The following FHIP2A variants were observed in gnomAD, a reference collection of about 807,000 sequenced individuals.
FHIP2A encodes the protein FHF complex subunit HOOK interacting protein 2A.
A neutral mutation model predicts 93.5 loss-of-function variants in FHIP2A; 46 were observed. The observed-to-expected ratio is 0.49, with a 90% confidence interval of 0.39 to 0.63. The LOEUF (loss-of-function observed/expected upper bound fraction) is 0.63. FHIP2A is among the 20% of genes least tolerant of loss of function. FHIP2A has a pLI of 0.00. For missense variants in FHIP2A, 769 were observed against 909.7 expected (o/e 0.85, Z 1.99); for synonymous variants, 332 against 326.5 (o/e 1.02, Z -0.18).
intron 13 of FHIP2A, among the ~76,000 whole-genome samples, chr10:114,853,054 C>T (rs1386622547): frequency 2.0e-5 from 3 of 152,192 alleles, no homozygotes; most frequent in East Asian, 3.9e-4. Context: ...TCTTCATGCT[C>T]ATGGCATTGT....
At chr10:114,898,704 T>C (rs2084012619) in intron 16 of FHIP2A, among the ~76,000 whole-genome samples, 1 of 152,212 alleles carries the variant, frequency 6.6e-6, no homozygotes, top group Non-Finnish European at 1.5e-5. Context: ...TGATGGTATT[T>C]CTCTCTCCTG....
chr10:114,821,974 G>A lies in FHIP2A; in HGVS notation c.-105G>A, dbSNP rs1013139886. The A allele has an allele frequency of 4.9e-6, 3 of 617,234 alleles. No individual in the cohort carries two copies. The highest frequency in any genetic ancestry group is 3.9e-5 in the African/African-American group (2 of 50,950). The allele number at this position is 617,234 out of a possible 1,614,324, so 38.2% of individuals were successfully genotyped here. On this transcript the variant is annotated 5_prime_UTR_variant, in exon 1 of 17. Coordinates refer to ENST00000369248, the MANE Select transcript of FHIP2A (RefSeq NM_020940.4). ...AGCTCGTCCTCCCCGCCCCGCACCG[G>A]CCTTCACTCTGGAGCGGCCCCGGCA... is the stretch of plus-strand genomic sequence containing the variant.
intron 12 of FHIP2A, 80 bp downstream of exon 12, chr10:114,847,313 G>T: frequency 7.4e-7 from 1 of 1,346,586 alleles, no homozygotes; most frequent in South Asian, 1.4e-5. Flanking sequence ...TTTTGAGATG[G>T]AGTCTTGCTC....
chr10:114,857,454 T>G (rs1463068802), intron 14 of FHIP2A, among the ~76,000 whole-genome samples: 1 of 151,684 alleles, frequency 6.6e-6, no homozygotes. Context: ...GGATCACAGG[T>G]GCACACCACC....
chr10:114,822,920 C>A (rs1192686410), intron 1 of FHIP2A, among the ~76,000 whole-genome samples: 2 of 152,180 alleles, frequency 1.3e-5, no homozygotes, highest in Non-Finnish European at 2.9e-5. Context: ...ATTCAAGTAT[C>A]CTAGTAGACT....
In FHIP2A at chr10:114,842,772, T is replaced by C. The variant is rs373411692; in HGVS notation, c.523-161T>C. ...CTCCTATGCAATGGTAAAATCATTC[T>C]AAAACACAGTTTGTTAAAAGTCAGA... On this transcript the variant is annotated intron_variant, in intron 5 of 16. Transcript: ENST00000369248. Among the ~76,000 whole-genome samples the C allele has an allele frequency of 1.1e-4, 16 of 152,346 alleles. No individual in the cohort carries two copies. The East Asian group carries it at 2.9e-3, about 28-fold the overall frequency.
At chr10:114,870,334 C>T (rs938157693) in intron 16 of FHIP2A, among the ~76,000 whole-genome samples, 2 of 152,120 alleles carry the variant, frequency 1.3e-5, no homozygotes, top group Non-Finnish European at 2.9e-5. Context: ...GAAATCCTTA[C>T]ATCACCATGG....
intron 1 of FHIP2A, among the ~76,000 whole-genome samples, chr10:114,822,431 C>T (rs1301440378): frequency 6.6e-6 from 1 of 152,140 alleles, no homozygotes; most frequent in African/African-American, 2.4e-5. Flanking sequence ...TCGGTGGTCG[C>T]CTCATTCCTC....
At chr10:114,878,139 T>C (rs559550158) in intron 16 of FHIP2A, among the ~76,000 whole-genome samples, 1 of 152,364 alleles carries the variant, frequency 6.6e-6, no homozygotes. Flanking sequence ...ATCTGTGAGG[T>C]CTACATAATT....
At chr10:114,898,151 T>G (rs2084009857) in intron 16 of FHIP2A, among the ~76,000 whole-genome samples, 1 of 152,190 alleles carries the variant, frequency 6.6e-6, no homozygotes, top group South Asian at 2.1e-4. Flanking sequence ...CTGATCGCTT[T>G]TCAGTTCTCT....
At chr10:114,895,316 G>C (rs2083995676) in intron 16 of FHIP2A, among the ~76,000 whole-genome samples, 1 of 152,160 alleles carries the variant, frequency 6.6e-6, no homozygotes, top group Non-Finnish European at 1.5e-5. Context: ...AGAGAGTACT[G>C]GTCCATAGAA....
chr10:114,835,190 A>G (rs765358286), intron 3 of FHIP2A, among the ~76,000 whole-genome samples: 15 of 152,296 alleles, frequency 9.8e-5, no homozygotes, highest in African/African-American at 3.1e-4. Context: ...GGTGTTAACT[A>G]TTACAGTTTC....
At chr10:114,843,311 T>A (rs573364318) in intron 6 of FHIP2A, 85 bp downstream of exon 6, 13 of 968,694 alleles carry the variant, frequency 1.3e-5, no homozygotes, top group African/African-American at 8.5e-5. Flanking sequence ...ATTTTTAATT[T>A]ATTTTTTTTT....
In FHIP2A at chr10:114,821,879, G is replaced by GCGCCCTCCGGAGCCGCCGAGC; in HGVS notation, c.-194_-174dup. On this transcript the variant is annotated 5_prime_UTR_variant, in exon 1 of 17. Transcript: ENST00000369248. ...CCTCCTCGCCGCCCGCCGCGTCCCGGCGCCCTCCGGAGCCGCCGAGCCGCC... is the reference window on the plus strand; with the variant it reads ...CCTCCTCGCCGCCCGCCGCGTCCCGGCGCCCTCCGGAGCCGCCGAGCCGCCCTCCGGAGCCGCCGAGCCGCC... The GCGCCCTCCGGAGCCGCCGAGC allele has an allele frequency of 3.4e-6, 1 of 289,894 alleles. No homozygotes were observed. The highest frequency in any genetic ancestry group is 1.6e-4 in the South Asian group (1 of 6,144). 18.0% of individuals were successfully genotyped at this position (289,894 alleles called of 1,614,324 possible).
intron 13 of FHIP2A, among the ~76,000 whole-genome samples, chr10:114,853,390 T>C (rs1399445680): frequency 1.3e-5 from 2 of 151,866 alleles, no homozygotes; most frequent in Non-Finnish European, 2.9e-5. Context: ...CTAATCTGCA[T>C]ATGCACATAG....
chr10:114,877,220 T>A (rs941239014), intron 16 of FHIP2A, among the ~76,000 whole-genome samples: 1 of 152,044 alleles, frequency 6.6e-6, no homozygotes, highest in African/African-American at 2.4e-5. Flanking sequence ...CTCTCAACAG[T>A]TCCCGAGTGC....
chr10:114,838,331 TA>T (rs1218085428), intron 5 of FHIP2A, among the ~76,000 whole-genome samples: 3 of 152,228 alleles, frequency 2.0e-5, no homozygotes, highest in African/African-American at 7.2e-5. Context: ...TTCATGAATT[TA>T]AATTTCTAGG....
chr10:114,864,145 C>T lies in FHIP2A; in HGVS notation c.*2605C>T, dbSNP rs2083816623. Reference sequence around the variant, plus strand: ...ATGTATATATATAAGGACCAAAATTCTTAGCTCGCTTACACTGTTGCTAGT... The same window carrying T: ...ATGTATATATATAAGGACCAAAATTTTTAGCTCGCTTACACTGTTGCTAGT... On this transcript the variant is annotated 3_prime_UTR_variant, in exon 17 of 17. Transcript: ENST00000369248. The T allele has an allele frequency of 1.0e-6, 1 of 980,178 alleles. No homozygotes were observed. The highest frequency in any genetic ancestry group is 1.8e-5 in the African/African-American group (1 of 57,076). The allele number at this position is 980,178 out of a possible 1,614,324, so 60.7% of individuals were successfully genotyped here.
At chr10:114,845,292 A>T (rs1030979302) in intron 7 of FHIP2A, 75 bp from the exon 8 acceptor site, 23 of 820,314 alleles carry the variant, frequency 2.8e-5, no homozygotes, top group Non-Finnish European at 4.6e-5. Flanking sequence ...ATGTGCCTTC[A>T]TTTTTCCATA....
Sources: gnomAD v4.1 joint callset for allele counts (sites outside exome capture counted in the v4.1 genomes callset) on GRCh38, gnomAD v4.1.1 for gene constraint, MANE v1.5 for transcripts, NCBI Gene and HGNC (gene_info 2026-07-23, HGNC 2026-07-21) for gene names.